MOB2: variants seen among roughly 807,000 people sequenced by gnomAD.
The protein encoded by MOB2 is MOB2 Mps One Binder homolog.
In MOB2, 14 loss-of-function variants were observed where a neutral mutation model predicts 27.4. That is an observed-to-expected ratio of 0.51 (90% CI 0.34 to 0.80). The LOEUF (loss-of-function observed/expected upper bound fraction) is 0.80. MOB2 is among the 30% of genes least tolerant of loss of function. The pLI, the probability that MOB2 is intolerant of heterozygous loss-of-function variation, is 0.01. For missense variants in MOB2, 304 were observed against 354.6 expected (o/e 0.86, Z 1.15); for synonymous variants, 167 against 151.8 (o/e 1.10, Z -0.74).
Position 1,470,494 on chromosome 11 carries a change from G to GA in MOB2, c.491-7dup, listed in dbSNP as rs775655855. 6.2e-7 allele frequency: 1 copy of GA among 1,609,070 alleles called. No homozygotes were observed. Among genetic ancestry groups the GA allele is most frequent in the Non-Finnish European group, 8.5e-7 (1 of 1,177,002 alleles). ...GGAGCTGGGGAATTCTCTGCCTGGG[G>GA]AAGGCCACCGTGTCACAAGCTGCAG... is the stretch of plus-strand genomic sequence containing the variant. On this transcript the variant is annotated splice_region_variant and splice_polypyrimidine_tract_variant and intron_variant, in intron 4 of 4. Coordinates refer to ENST00000329957, the MANE Select transcript of MOB2 (RefSeq NM_001172223.3).
chr11:1,475,558 T>C (rs1189460883), intron 3 of MOB2, among the ~76,000 whole-genome samples: 4 of 152,184 alleles, frequency 2.6e-5, no homozygotes, highest in African/African-American at 4.8e-5. Flanking sequence ...GCCTCCTGAG[T>C]AGCCAGGATT....
rs1424822160 is a variant in MOB2, at chr11:1,480,855, C to T, written c.141G>A (p.Lys47=). ...RKSKAKPNGK[K]PAAEERKAYL... ...AGGCCTTCCTCTCCTCCGCAGCGGGCTTCTTGCCATTAGGCTTGGCTTTGG... is the reference window on the plus strand; with the variant it reads ...AGGCCTTCCTCTCCTCCGCAGCGGGTTTCTTGCCATTAGGCTTGGCTTTGG... Residue 47 remains lysine, a synonymous_variant, in exon 2 of 5, where the codon AAG becomes AAA. Transcript: ENST00000329957. 1 of 1,565,702 alleles carries T rather than the reference C, an allele frequency of 6.4e-7. No homozygotes were observed. The highest frequency in any genetic ancestry group is 2.4e-5 in the East Asian group (1 of 41,976).
At chr11:1,472,573 C>T (rs1300576572) in intron 3 of MOB2, 1 of 152,470 alleles carries the variant, frequency 6.6e-6, no homozygotes, top group Non-Finnish European at 1.5e-5. Context: ...ACCGCTCCCA[C>T]CCTCCTCATC....
intron 1 of MOB2, among the ~76,000 whole-genome samples, chr11:1,482,144 G>C (rs1436842834): frequency 6.6e-6 from 1 of 152,222 alleles, no homozygotes; most frequent in Non-Finnish European, 1.5e-5. Flanking sequence ...TACAGCCTGG[G>C]CTCGGCCTTC....
chr11:1,471,340 C>T lies in MOB2; in HGVS notation c.445G>A (p.Val149Met), dbSNP rs765003874. Residue 149 changes from valine (V) to methionine (M), a missense_variant, in exon 4 of 5, where the codon GTG becomes ATG. By Grantham distance (21) the Val-to-Met change is conservative (BLOSUM62 1). Transcript: ENST00000329957. Reference protein sequence around the residue: ...PQYVDFVMSSVQKLVTDEDVF... With the variant: ...PQYVDFVMSSMQKLVTDEDVF... ...TCCTCATCCGTCACCAGCTTCTGCACGGAGCTCATGACGAAGTCAACGTAC... is the reference window on the plus strand; with the variant it reads ...TCCTCATCCGTCACCAGCTTCTGCATGGAGCTCATGACGAAGTCAACGTAC... The T allele has an allele frequency of 9.9e-6, 16 of 1,613,444 alleles. No individual in the cohort carries two copies. The highest frequency in any genetic ancestry group is 8.9e-5 in the East Asian group (4 of 44,896).
chr11:1,470,303 T>G lies in MOB2; in HGVS notation c.676A>C (p.Lys226Gln). 6.2e-7 allele frequency: 1 copy of G among 1,613,376 alleles called. No homozygotes were observed. Among genetic ancestry groups the G allele is most frequent in the Non-Finnish European group, 8.5e-7 (1 of 1,179,890 alleles). ...AGGTCGTCCATGATGGCGGTCTCTT[T>G]GGGGTCCAGCAGGTTGAACTCCCGA... ...FAREFNLLDP[K>Q]ETAIMDDLTE... The change falls in exon 5 of 5, where the codon AAA (lysine) becomes CAA (glutamine). Residue 226 changes from lysine to glutamine, a missense_variant. By Grantham distance (53) the Lys-to-Gln change is moderately conservative. Transcript: ENST00000329957.
In MOB2 at chr11:1,475,345, TC is replaced by T. The variant is rs565445504; in HGVS notation, c.366-3927del. On this transcript the variant is annotated intron_variant, in intron 3 of 4. Coordinates refer to ENST00000329957, the MANE Select transcript of MOB2 (RefSeq NM_001172223.3). Reference sequence around the variant, plus strand: ...ACACGTGTGCACAGGGATACAGCAATCCCCCCCATCCACAGGGGATGCACTG... The same window carrying T: ...ACACGTGTGCACAGGGATACAGCAATCCCCCCATCCACAGGGGATGCACTG... Among the ~76,000 whole-genome samples, 426 of 151,742 alleles carry T rather than the reference TC, an allele frequency of 2.8e-3. 3 individuals are homozygous for T. The highest frequency in any genetic ancestry group is 9.8e-3 in the African/African-American group (406 of 41,340).
At chr11:1,485,916 A>C (rs949185516) in intron 1 of MOB2, among the ~76,000 whole-genome samples, 1 of 152,246 alleles carries the variant, frequency 6.6e-6, no homozygotes, top group Non-Finnish European at 1.5e-5. Flanking sequence ...CAGCCAGCAC[A>C]AAAATAGGCA....
chr11:1,471,471 G>T, intron 3 of MOB2, 52 bp from the exon 4 acceptor site: 1 of 1,571,326 alleles, frequency 6.4e-7, no homozygotes, highest in South Asian at 1.2e-5. Context: ...CACCCACCCA[G>T]CCACTGGGTC....
rs550289926 is a variant in MOB2, at chr11:1,480,312, G to A, written c.365+81C>T. On this transcript the variant is annotated intron_variant, in intron 3 of 4. Coordinates refer to ENST00000329957, the MANE Select transcript of MOB2 (RefSeq NM_001172223.3). The stretch of plus-strand genomic sequence containing the variant: ...TCCAGGTGAGAACGGAATCTGAGAG[G>A]ACAGGAGCCTGGGGCAGCGGGGGCT... 8 of 1,308,734 alleles carry A rather than the reference G, an allele frequency of 6.1e-6. No homozygotes were observed. The South Asian group carries it at 8.7e-5, about 14-fold the overall frequency. 81.1% of individuals were successfully genotyped at this position (1,308,734 alleles called of 1,614,324 possible). A position where few individuals can be genotyped will look rare whatever the true frequency, so the allele number is the denominator to read the frequency against.
chr11:1,482,836 G>A (rs1847929512), intron 1 of MOB2, among the ~76,000 whole-genome samples: 1 of 152,214 alleles, frequency 6.6e-6, no homozygotes. Flanking sequence ...GGCACCAACA[G>A]AGGGACTTCC....
chr11:1,480,759 G>A lies in MOB2; in HGVS notation c.237C>T (p.Arg79=), dbSNP rs766171704. The A allele has an allele frequency of 3.7e-5, 59 of 1,606,202 alleles. No individual in the cohort carries two copies. Among genetic ancestry groups the A allele is most frequent in the Non-Finnish European group, 4.8e-5 (56 of 1,176,950 alleles). ...CCAGCCACTCGTTAAGGTCAATCTCGCGGGGCAGCACCACCAGCTCCTTGA... is the reference window on the plus strand; with the variant it reads ...CCAGCCACTCGTTAAGGTCAATCTCACGGGGCAGCACCACCAGCTCCTTGA... ...FQFKELVVLP[R]EIDLNEWLAS... Residue 79 remains arginine, a synonymous_variant, in exon 2 of 5, where the codon CGC becomes CGT. Transcript: ENST00000329957.
intron 1 of MOB2, 30 bp downstream of exon 1, chr11:1,486,417 C>A: frequency 6.7e-7 from 1 of 1,487,520 alleles, no homozygotes; most frequent in Non-Finnish European, 9.1e-7. Context: ...TGCTACACAC[C>A]CCTCCCCCAG....
chr11:1,478,638 T>C (rs776395842), intron 3 of MOB2, among the ~76,000 whole-genome samples: 1 of 152,208 alleles, frequency 6.6e-6, no homozygotes, highest in Non-Finnish European at 1.5e-5. Flanking sequence ...AGCATTTGGT[T>C]GCATGCATCT....
intron 3 of MOB2, 148 bp from the exon 4 acceptor site, chr11:1,471,567 CA>C: frequency 1.2e-6 from 1 of 866,482 alleles, no homozygotes; most frequent in South Asian, 1.7e-5. Flanking sequence ...TGGACATGCA[CA>C]CTGTCCCCAC....
At chr11:1,473,286 G>C (rs138883627) in intron 3 of MOB2, 3 of 152,332 alleles carry the variant, frequency 2.0e-5, no homozygotes, top group African/African-American at 7.2e-5. Context: ...ACCTTCCCAG[G>C]CTGCAGGCCT....
intron 1 of MOB2, among the ~76,000 whole-genome samples, chr11:1,483,109 CACAGGCTCTGAA>C (rs759644273): frequency 1.3e-5 from 2 of 152,260 alleles, no homozygotes; most frequent in African/African-American, 2.4e-5. Flanking sequence ...CCCGCAGGCT[CACAGGCTCTGAA>C]ACAGGCTCTG....
At position 1,481,152 on chromosome 11, in the gene MOB2, G is replaced by GC. The variant is rs1336710793; in HGVS notation, c.111-268dup. On this transcript the variant is annotated intron_variant, in intron 1 of 4. Coordinates refer to ENST00000329957, the MANE Select transcript of MOB2 (RefSeq NM_001172223.3). ...TGCCACACGGGCCCCTGCACGGAGG[G>GC]CATCCTCACCCCTCACCAAGTCCTC... The GC allele has an allele frequency of 1.2e-5, 7 of 602,604 alleles. No individual in the cohort carries two copies. The East Asian group carries it at 2.3e-4, about 20-fold the overall frequency. 37.3% of individuals were successfully genotyped at this position (602,604 alleles called of 1,614,324 possible). A position where few individuals can be genotyped will look rare whatever the true frequency, so the allele number is the denominator to read the frequency against.
intron 2 of MOB2, 94 bp from the exon 3 acceptor site, chr11:1,480,580 T>C: frequency 6.5e-7 from 1 of 1,533,648 alleles, no homozygotes; most frequent in Non-Finnish European, 8.9e-7. Context: ...GGAGCTCGGC[T>C]GGGTGAGCTC....
Sources: allele counts gnomAD v4.1 joint callset (sites outside exome capture counted in the v4.1 genomes callset), GRCh38; gene constraint gnomAD v4.1.1; transcripts MANE v1.5; gene names NCBI Gene and HGNC (gene_info 2026-07-23, HGNC 2026-07-21).